Variants in MAP3K9 observed in about 807,000 individuals in gnomAD.
MAP3K9 encodes mitogen-activated protein kinase kinase kinase 9.
A neutral mutation model predicts 95.8 loss-of-function variants in MAP3K9; 46 were observed. The ratio of observed to expected loss-of-function variants is 0.48; its 90% CI spans 0.38 to 0.61. MAP3K9 has a LOEUF of 0.61. Ranked by LOEUF, MAP3K9 falls within the 20% of genes least tolerant of loss-of-function variation. MAP3K9 has a pLI of 0.00. For missense variants in MAP3K9, 1,296 were observed against 1,474.3 expected (o/e 0.88, Z 1.98); for synonymous variants, 533 against 593.8 (o/e 0.90, Z 1.49).
At chr14:70,773,744 G>A (rs763484542) in intron 2 of MAP3K9, among the ~76,000 whole-genome samples, 2 of 152,208 alleles carry the variant, frequency 1.3e-5, no homozygotes, top group South Asian at 2.1e-4. Flanking sequence ...ATGAGGACAT[G>A]ATCATGCCCC....
rs1228584303 is a variant in MAP3K9 at position 70,730,065 on chromosome 14, G to A, written c.*315C>T. ...GGAGAGGGAGCAGCAGACAGATTTG[G>A]CTGAGTGACTCTGCAGGGTCACTCT... On this transcript the variant is annotated 3_prime_UTR_variant, in exon 12 of 12. Coordinates refer to ENST00000554752, the MANE Select transcript of MAP3K9 (RefSeq NM_001284230.2). 4.8e-5 allele frequency: 15 copies of A among 313,212 alleles called. No individual in the cohort carries two copies. The Admixed American group carries it at 6.9e-4, about 14-fold the overall frequency. 19.4% of individuals were successfully genotyped at this position (313,212 alleles called of 1,614,324 possible).
chr14:70,745,513 G>A (rs967378724), intron 5 of MAP3K9, among the ~76,000 whole-genome samples: 2 of 152,242 alleles, frequency 1.3e-5, no homozygotes, highest in Non-Finnish European at 2.9e-5. Context: ...CGAGGCAGGC[G>A]GATCACCTGA....
At chr14:70,794,670 T>G (rs559450470) in intron 2 of MAP3K9, among the ~76,000 whole-genome samples, 2 of 148,622 alleles carry the variant, frequency 1.3e-5, no homozygotes, top group East Asian at 4.0e-4. Flanking sequence ...GTTTTCTTTT[T>G]CTTTTCTTTT....
intron 4 of MAP3K9, among the ~76,000 whole-genome samples, chr14:70,749,279 G>T (rs922809645): frequency 6.6e-6 from 1 of 152,176 alleles, no homozygotes; most frequent in Non-Finnish European, 1.5e-5. Flanking sequence ...AGCCCAAAGA[G>T]TTTTCTTGTA....
chr14:70,741,852 C>G (rs2054074113), intron 6 of MAP3K9, among the ~76,000 whole-genome samples: 2 of 152,166 alleles, frequency 1.3e-5, no homozygotes. Flanking sequence ...GGGCCTGGGG[C>G]AGCAGAATCA....
intron 2 of MAP3K9, among the ~76,000 whole-genome samples, chr14:70,793,652 T>TTTCATTCATTCATTCA (rs10672359): frequency 6.6e-6 from 1 of 150,376 alleles, no homozygotes; most frequent in Non-Finnish European, 1.5e-5. Flanking sequence ...TCACATGATA[T>TTTCATTCATTCATTCA]TTCATTCATT....
At chr14:70,808,439 C>CG (rs34783118) in intron 1 of MAP3K9, among the ~76,000 whole-genome samples, 32,035 of 83,534 alleles carry the variant, frequency 0.38, 3,827 homozygotes, top group East Asian at 0.54. Context: ...TGGGGGGCGG[C>CG]GGGGGGGTGG....
chr14:70,749,773 T>C (rs1415544304), intron 4 of MAP3K9, 160 bp downstream of exon 4: 3 of 764,642 alleles, frequency 3.9e-6, no homozygotes, highest in Non-Finnish European at 6.3e-6. Flanking sequence ...GTGGATGTCA[T>C]CTTGAAGAAG....
intron 5 of MAP3K9, among the ~76,000 whole-genome samples, chr14:70,746,883 C>CA (rs561678873): frequency 2.0e-5 from 3 of 151,940 alleles, no homozygotes; most frequent in East Asian, 3.9e-4. Context: ...ATGCAGCAAT[C>CA]AAAAAAACAA....
chr14:70,730,688 G>A lies in MAP3K9; in HGVS notation c.3007C>T (p.Arg1003Trp), dbSNP rs758186971. 12 of 1,613,676 alleles carry A rather than the reference G, an allele frequency of 7.4e-6. No individual in the cohort carries two copies. Among genetic ancestry groups the A allele is most frequent in the Admixed American group, 1.7e-5 (1 of 60,004 alleles). The part of the protein sequence containing the change: ...PRPRPSANRQ[R>W]LDPWWFVSPS... The stretch of plus-strand genomic sequence containing the variant: ...GACACAAACCACCAAGGGTCCAGCC[G>A]TTGCCGGTTGGCAGAAGGACGCGGC... The change falls in exon 12 of 12, where the codon CGG becomes TGG. Residue 1003 changes from arginine (R) to tryptophan (W), a missense_variant. Around this residue, in one of 5 missense-constraint regions of MAP3K9, gnomAD observed 433 missense variants for 441.4 expected, o/e 0.98. Transcript: ENST00000554752.
At chr14:70,735,891 T>A (rs2053979004) in intron 9 of MAP3K9, 70 bp downstream of exon 9, 1 of 1,178,820 alleles carries the variant, frequency 8.5e-7, no homozygotes, top group Admixed American at 1.7e-5. Flanking sequence ...TGGGGTATGC[T>A]GTAAGAACAA....
chr14:70,772,666 G>GA (rs200086189), intron 2 of MAP3K9, among the ~76,000 whole-genome samples: 57 of 149,902 alleles, frequency 3.8e-4, no homozygotes, highest in Admixed American at 5.3e-4. Context: ...CCTTTCAGCT[G>GA]AAAAAAAAAG....
chr14:70,771,818 G>A lies in MAP3K9; in HGVS notation c.821-10636C>T, dbSNP rs545288788. ...AGCCTTTAGGGCTCCTGAGTGGCACGTGAGATATTTGCTTCCTACAGCACG... is the reference window on the plus strand; with the variant it reads ...AGCCTTTAGGGCTCCTGAGTGGCACATGAGATATTTGCTTCCTACAGCACG... On this transcript the variant is annotated intron_variant, in intron 2 of 11. Coordinates refer to ENST00000554752, the MANE Select transcript of MAP3K9 (RefSeq NM_001284230.2). 3.9e-5 allele frequency among the ~76,000 whole-genome samples: 6 copies of A among 152,314 alleles called. No homozygotes were observed. The East Asian group carries it at 9.7e-4, about 25-fold the overall frequency.
At chr14:70,764,397 T>G (rs1484058477) in intron 2 of MAP3K9, among the ~76,000 whole-genome samples, 1 of 151,656 alleles carries the variant, frequency 6.6e-6, no homozygotes, top group Non-Finnish European at 1.5e-5. Context: ...GTGTCTTAGT[T>G]TTTAACAAAA....
rs1019747879 is a variant in MAP3K9 at position 70,764,115 on chromosome 14, A to G, written c.821-2933T>C. On this transcript the variant is annotated intron_variant, in intron 2 of 11. Transcript: ENST00000554752. ...GCAGGAGAATGGCGTGAACCCGGGAAGCGGAGCTTGCAGTGAGCCGAGATT... is the reference window on the plus strand; with the variant it reads ...GCAGGAGAATGGCGTGAACCCGGGAGGCGGAGCTTGCAGTGAGCCGAGATT... 1.8e-3 allele frequency among the ~76,000 whole-genome samples: 233 copies of G among 128,826 alleles called. 6 individuals are homozygous for G. The highest frequency in any genetic ancestry group is 8.6e-4 in the Non-Finnish European group (54 of 62,888). The allele number at this position is 128,826 out of a possible 152,430, so 84.5% of individuals were successfully genotyped here.
At chr14:70,791,818 CT>C (rs1460638717) in intron 2 of MAP3K9, among the ~76,000 whole-genome samples, 3 of 152,248 alleles carry the variant, frequency 2.0e-5, no homozygotes, top group South Asian at 2.1e-4. Flanking sequence ...GTCTTTCCCC[CT>C]GACCCCACAG....
Position 70,732,565 on chromosome 14 carries a change from T to C in MAP3K9, c.2804A>G (p.Asn935Ser), listed in dbSNP as rs1162192722. ...TGCTCCAGGACTGGGGCTCAACCCA[T>C]TGCTGGAGGGGCTCCTGCTGGCTAG... is the stretch of plus-strand genomic sequence containing the variant. Reference protein sequence around the residue: ...TLLASRSPSSNGLSPSPGAGM... With the variant: ...TLLASRSPSSSGLSPSPGAGM... The change falls in exon 11 of 12, where the codon AAT (asparagine) becomes AGT (serine). Residue 935 changes from asparagine to serine, a missense_variant. Transcript: ENST00000554752. 1 of 1,595,294 alleles carries C rather than the reference T, an allele frequency of 6.3e-7. No individual in the cohort carries two copies. The highest frequency in any genetic ancestry group is 1.7e-4 in the Middle Eastern group (1 of 5,958).
In MAP3K9 at chr14:70,808,157, T is replaced by C. The variant is rs148472998; in HGVS notation, c.406+609A>G. 4.6e-5 allele frequency among the ~76,000 whole-genome samples: 7 copies of C among 152,236 alleles called. No individual in the cohort carries two copies. In the East Asian group the frequency reaches 1.2e-3, roughly 25 times the overall value. On this transcript the variant is annotated intron_variant, in intron 1 of 11. Coordinates refer to ENST00000554752, the MANE Select transcript of MAP3K9 (RefSeq NM_001284230.2). ...ACATCCCTCTTAGCACATTAATCAG[T>C]GAGACTCCTAAAGGTACAACTTCTG... is the stretch of plus-strand genomic sequence containing the variant.
intron 2 of MAP3K9, among the ~76,000 whole-genome samples, chr14:70,783,724 T>A (rs1248354220): frequency 6.6e-6 from 1 of 152,244 alleles, no homozygotes; most frequent in Non-Finnish European, 1.5e-5. Flanking sequence ...CCAGGAGGAA[T>A]GGAACTGCTC....
Sources: gnomAD v4.1 joint callset for allele counts (sites outside exome capture counted in the v4.1 genomes callset) on GRCh38, gnomAD v4.1.1 for gene constraint, gnomAD v4.1.1 regional missense constraint, MANE v1.5 for transcripts, NCBI Gene and HGNC (gene_info 2026-07-23, HGNC 2026-07-21) for gene names.